Variants in HPSE2 observed in about 807,000 individuals in gnomAD.
The protein encoded by HPSE2 is heparanase 2 (inactive), also known as inactive heparanase-2.
HPSE2 carries 38 observed loss-of-function variants against 60.5 expected under a neutral mutation model. The observed-to-expected ratio is 0.63, with a 90% CI of 0.48 to 0.82. HPSE2 has a LOEUF of 0.82. Ranked by LOEUF, HPSE2 falls within the 40% of genes least tolerant of loss-of-function variation. The pLI is 0.00. For synonymous variants in HPSE2, 295 were observed against 293.2 expected, an observed-to-expected ratio of 1.01 and a Z score of -0.06; for missense variants, 713 against 740.4, an observed-to-expected ratio of 0.96 and a Z score of 0.43.
the HPSE2 span, among the ~76,000 whole-genome samples, chr10:99,284,993 T>C: frequency 3.3e-5 from 5 of 152,188 alleles, no homozygotes; most frequent in Admixed American, 6.5e-5. Context: ...ATTCAGAATA[T>C]ATAACGAACT....
intron 3 of HPSE2, among the ~76,000 whole-genome samples, chr10:98,777,416 T>C (rs1320124501): frequency 1.3e-5 from 2 of 152,222 alleles, no homozygotes; most frequent in Non-Finnish European, 2.9e-5. Flanking sequence ...ATCTTCATAA[T>C]AACCAAATGA....
chr10:99,257,804 T>G, the HPSE2 span, among the ~76,000 whole-genome samples: 4 of 152,256 alleles, frequency 2.6e-5, no homozygotes, highest in Middle Eastern at 3.4e-3. Context: ...GTTTTGCGGC[T>G]TGTGGGGCAT....
intron 9 of HPSE2, among the ~76,000 whole-genome samples, chr10:98,513,792 T>A (rs1942499653): frequency 6.6e-6 from 1 of 152,154 alleles, no homozygotes; most frequent in South Asian, 2.1e-4. Flanking sequence ...TTTCCTAGTG[T>A]TTAGTATCAA....
intron 5 of HPSE2, among the ~76,000 whole-genome samples, chr10:98,697,574 A>G (rs1948261746): frequency 6.6e-6 from 1 of 152,220 alleles, no homozygotes; most frequent in Non-Finnish European, 1.5e-5. Context: ...ACCAAGTTGG[A>G]AAACACACTT....
At chr10:99,013,925 T>G in intron 3 of HPSE2, 1 of 432,540 alleles carries the variant, frequency 2.3e-6, no homozygotes, top group South Asian at 1.7e-5. Context: ...TTGAACAGTC[T>G]CCATATCCTG....
At chr10:98,639,775 A>T (rs1474902905) in intron 7 of HPSE2, among the ~76,000 whole-genome samples, 1 of 152,216 alleles carries the variant, frequency 6.6e-6, no homozygotes, top group Non-Finnish European at 1.5e-5. Context: ...TCTAACCTAC[A>T]GCCACTTGCT....
chr10:99,188,480 T>C (rs1221610609), intron 2 of HPSE2, among the ~76,000 whole-genome samples: 1 of 152,196 alleles, frequency 6.6e-6, no homozygotes, highest in African/African-American at 2.4e-5. Flanking sequence ...AGGAATTCTT[T>C]TAAAATCATT....
chr10:99,142,121 C>T (rs1005749265), intron 3 of HPSE2, among the ~76,000 whole-genome samples: 1 of 152,110 alleles, frequency 6.6e-6, no homozygotes, highest in African/African-American at 2.4e-5. Flanking sequence ...AGAAAGAAAT[C>T]CTGGACTATG....
intron 3 of HPSE2, among the ~76,000 whole-genome samples, chr10:98,809,509 T>A (rs1951118824): frequency 6.7e-6 from 1 of 149,264 alleles, no homozygotes; most frequent in Admixed American, 6.6e-5. Context: ...AAATTCTGTA[T>A]GTATGTGTTT....
intron 3 of HPSE2, among the ~76,000 whole-genome samples, chr10:98,944,084 C>G (rs1043587547): frequency 1.3e-5 from 2 of 152,098 alleles, no homozygotes; most frequent in Non-Finnish European, 1.5e-5. Context: ...GAGGGAGCAG[C>G]TAGAGGTACA....
At chr10:98,726,044 A>C (rs973627333) in intron 4 of HPSE2, among the ~76,000 whole-genome samples, 4 of 152,332 alleles carry the variant, frequency 2.6e-5, no homozygotes, top group East Asian at 1.9e-4. Flanking sequence ...GTGGGACTGT[A>C]AACTAGTTCA....
At chr10:99,192,192 A>G (rs1000371819) in intron 2 of HPSE2, among the ~76,000 whole-genome samples, 30 of 152,214 alleles carry the variant, frequency 2.0e-4, no homozygotes, top group African/African-American at 7.0e-4. Flanking sequence ...ATCCAAAGGG[A>G]TAATATCAGA....
intron 2 of HPSE2, among the ~76,000 whole-genome samples, chr10:99,170,790 A>G (rs1847277216): frequency 6.6e-6 from 1 of 152,224 alleles, no homozygotes; most frequent in African/African-American, 2.4e-5. Flanking sequence ...AGGACTGAGT[A>G]CAGTCCGCCC....
chr10:99,213,203 A>G (rs1222398658), intron 2 of HPSE2, among the ~76,000 whole-genome samples: 1 of 152,176 alleles, frequency 6.6e-6, no homozygotes, highest in East Asian at 1.9e-4. Flanking sequence ...TTCTACCTTA[A>G]GAAAAAATAA....
intron 6 of HPSE2, among the ~76,000 whole-genome samples, chr10:98,686,312 G>A (rs563976027): frequency 6.6e-6 from 1 of 152,196 alleles, no homozygotes; most frequent in East Asian, 1.9e-4. Flanking sequence ...TTCTGCTTTT[G>A]CTGGATTCCA....
Position 98,883,961 on chromosome 10 carries a change from C to A in HPSE2, c.611-139905G>T, listed in dbSNP as rs191365023. On this transcript the variant is annotated intron_variant, in intron 3 of 11. Transcript: ENST00000370552. The stretch of plus-strand genomic sequence containing the variant: ...AAAGCTCAAAGCTAGGCCTCTTATA[C>A]CAAACAGTTAGCCAACTTGTTAATG... 1.4e-4 allele frequency among the ~76,000 whole-genome samples: 22 copies of A among 152,162 alleles called. 1 individual carries two copies. The highest frequency in any genetic ancestry group is 1.4e-3 in the East Asian group (7 of 5,174).
At chr10:98,736,565 G>C (rs759854016) in intron 4 of HPSE2, among the ~76,000 whole-genome samples, 1 of 152,000 alleles carries the variant, frequency 6.6e-6, no homozygotes, top group African/African-American at 2.4e-5. Flanking sequence ...AAAAATGTAA[G>C]CTATGAATTT....
chr10:99,137,965 C>T lies in HPSE2; in HGVS notation c.610+6273G>A, dbSNP rs557502440. On this transcript the variant is annotated intron_variant, in intron 3 of 11. Transcript: ENST00000370552. ...CAAAGTGAACAGGCAACCTACAGAA[C>T]GGGAGAAAATTTTTGCAATCTATCC... is the stretch of plus-strand genomic sequence containing the variant. Among the ~76,000 whole-genome samples, 469 of 152,038 alleles carry T rather than the reference C, an allele frequency of 3.1e-3. 2 individuals carry two copies. Among genetic ancestry groups the T allele is most frequent in the African/African-American group, 0.011 (445 of 41,512 alleles).
intron 9 of HPSE2, among the ~76,000 whole-genome samples, chr10:98,553,009 T>G (rs981517448): frequency 2.0e-5 from 3 of 152,208 alleles, no homozygotes; most frequent in Non-Finnish European, 4.4e-5. Flanking sequence ...AAAAATTGCT[T>G]GGATTAAATT....
Sources: gnomAD v4.1 joint callset for allele counts (sites outside exome capture counted in the v4.1 genomes callset) on GRCh38, gnomAD v4.1.1 for gene constraint, MANE v1.5 for transcripts, NCBI Gene and HGNC (gene_info 2026-07-23, HGNC 2026-07-21) for gene names.